Variants in HSPA8 observed in about 807,000 individuals in gnomAD.
The protein encoded by HSPA8 is heat shock protein family A (Hsp70) member 8.
A neutral mutation model predicts 52.8 loss-of-function variants in HSPA8; 2 were observed. That is an observed-to-expected ratio of 0.04 (90% CI 0.02 to 0.12). HSPA8 has a LOEUF of 0.12. Ranked by LOEUF, HSPA8 falls within the 10% of genes least tolerant of loss-of-function variation. The pLI, the probability that HSPA8 is intolerant of heterozygous loss-of-function variation, is 1.00. For synonymous variants in HSPA8, 436 were observed against 274.0 expected, an observed-to-expected ratio of 1.59 and a Z score of -5.84; for missense variants, 349 against 800.5, an observed-to-expected ratio of 0.44 and a Z score of 6.81.
chr11:123,060,331 C>T (rs1330434128), intron 3 of HSPA8, 63 bp from the exon 4 acceptor site: 1 of 1,463,362 alleles, frequency 6.8e-7, no homozygotes. Flanking sequence ...CAAACTCCAG[C>T]AAATGGATTA....
rs1591438454 is a variant in HSPA8 at position 123,060,161 on chromosome 11, A to G, written c.519T>C (p.Ile173=). 6.2e-7 allele frequency: 1 copy of G among 1,614,076 alleles called. No individual in the cohort carries two copies. The highest frequency in any genetic ancestry group is 8.5e-7 in the Non-Finnish European group (1 of 1,180,024). Residue 173 remains isoleucine (I), a synonymous_variant, in exon 4 of 9, where the codon ATT becomes ATC. Coordinates refer to ENST00000534624, the MANE Select transcript of HSPA8 (RefSeq NM_006597.6). ...CAATAGCAGCAGCAGTTGGCTCATT[A>G]ATAATTCTAAGTACATTGAGACCAG... ...TIAGLNVLRI[I]NEPTAAAIAY...
intron 3 of HSPA8, 48 bp downstream of exon 3, chr11:123,060,545 G>A: frequency 7.1e-7 from 1 of 1,410,736 alleles, no homozygotes; most frequent in Non-Finnish European, 1.0e-6. Flanking sequence ...GAGTCATCGG[G>A]CTTTTAACTA....
At chr11:123,060,525 G>C (rs1195759042) in intron 3 of HSPA8, 68 bp downstream of exon 3, 34 of 1,229,642 alleles carry the variant, frequency 2.8e-5, no homozygotes, top group East Asian at 2.3e-5. Flanking sequence ...CCAGGTGCCA[G>C]TGCCCCCGGG....
At position 123,060,096 on chromosome 11, in the gene HSPA8, G is replaced by C; in HGVS notation, c.564+20C>G. 4 of 1,613,972 alleles carry C rather than the reference G, an allele frequency of 2.5e-6. No homozygotes were observed. Among genetic ancestry groups the C allele is most frequent in the Non-Finnish European group, 3.4e-6 (4 of 1,179,904 alleles). ...ATTAATCTTAAAATAATCCGAACTT[G>C]CATCACAAATGGTACATACCTTTTT... On this transcript the variant is annotated intron_variant, in intron 4 of 8. Transcript: ENST00000534624.
At chr11:123,060,299 AACTATTATACTT>A in intron 3 of HSPA8, 31 bp from the exon 4 acceptor site, 1 of 1,604,946 alleles carries the variant, frequency 6.2e-7, no homozygotes, top group Non-Finnish European at 8.5e-7. Flanking sequence ...ACAGATTGGT[AACTATTATACTT>A]ACATATATGC....
chr11:123,061,514 G>A (rs1591440421), intron 1 of HSPA8, 185 bp from the exon 2 acceptor site: 2 of 606,650 alleles, frequency 3.3e-6, no homozygotes, highest in South Asian at 2.0e-5. Flanking sequence ...CGTGCCAACC[G>A]CAGCAGAGCA....
chr11:123,058,226 G>GAAAAAAA lies in HSPA8; in HGVS notation c.1755+19_1755+25dup, dbSNP rs71057327. 223 of 1,013,144 alleles carry GAAAAAAA rather than the reference G, an allele frequency of 2.2e-4. 3 individuals carry two copies. Among genetic ancestry groups the GAAAAAAA allele is most frequent in the Middle Eastern group, 2.6e-4 (1 of 3,894 alleles). 62.8% of individuals were successfully genotyped at this position (1,013,144 alleles called of 1,614,324 possible). On this transcript the variant is annotated intron_variant, in intron 8 of 8. Transcript: ENST00000534624. ...CCTTCCCCTCCATTGAGTGGGGGAG[G>GAAAAAAA]AAAAAAAAAAAAAAAAAACACAAAC...
chr11:123,060,362 G>GCCC (rs1865455719), intron 3 of HSPA8, 94 bp from the exon 4 acceptor site: 1 of 1,241,184 alleles, frequency 8.1e-7, no homozygotes, highest in African/African-American at 1.6e-5. Context: ...AAGAACAGCT[G>GCCC]GAGCACCCCC....
At chr11:123,058,908 G>A (rs1865399863) in intron 6 of HSPA8, 78 bp from the exon 7 acceptor site, 2 of 1,469,982 alleles carry the variant, frequency 1.4e-6, no homozygotes, top group East Asian at 4.5e-5. Flanking sequence ...AGGAAGAATG[G>A]TCGCTCAAAC....
chr11:123,058,371 C>T lies in HSPA8; in HGVS notation c.1636G>A (p.Ala546Thr). ...TCAACAGTTGCTTTCATGTTGAAGG[C>T]ATAGGACTCAAGTGAATTCTTGGAT... Reference protein sequence around the residue: ...VSSKNSLESYAFNMKATVEDE... With the variant: ...VSSKNSLESYTFNMKATVEDE... Residue 546 changes from alanine to threonine, a missense_variant, in exon 8 of 9, where the codon GCC becomes ACC. Coordinates refer to ENST00000534624, the MANE Select transcript of HSPA8 (RefSeq NM_006597.6). 2 of 1,613,656 alleles carry T rather than the reference C, an allele frequency of 1.2e-6. No individual in the cohort carries two copies. Among genetic ancestry groups the T allele is most frequent in the Non-Finnish European group, 1.7e-6 (2 of 1,179,624 alleles).
chr11:123,059,705 GGA>G lies in HSPA8; in HGVS notation c.886_887del (p.Ser296HisfsTer7). ...SLYEGIDFYT[S>X]ITRARFEELN... ...GTTCTTCAAATCGGGCACGGGTAATGGAGGTATAGAAGTCGATTCCTTCATAG... is the reference window on the plus strand; with the variant it reads ...GTTCTTCAAATCGGGCACGGGTAATGGGTATAGAAGTCGATTCCTTCATAG... On this transcript the variant is annotated frameshift_variant, in exon 5 of 9. Coordinates refer to ENST00000534624, the MANE Select transcript of HSPA8 (RefSeq NM_006597.6). LOFTEE classifies it high-confidence loss of function. 1 of 1,613,932 alleles carries G rather than the reference GGA, an allele frequency of 6.2e-7. No homozygotes were observed. The highest frequency in any genetic ancestry group is 8.5e-7 in the Non-Finnish European group (1 of 1,179,890).
rs766437819 is a variant in HSPA8 at position 123,058,409 on chromosome 11, C to T, written c.1598G>A (p.Arg533Lys). ...EKYKAEDEKQ[R>K]DKVSSKNSLE... ...TGAATTCTTGGATGACACCTTGTCC[C>T]TCTGCTTCTCATCTTCAGCTTTGTA... The change falls in exon 8 of 9, where the codon AGG becomes AAG. Residue 533 changes from arginine to lysine, a missense_variant. By Grantham distance (26) the Arg-to-Lys change is conservative (BLOSUM62 2). Coordinates refer to ENST00000534624, the MANE Select transcript of HSPA8 (RefSeq NM_006597.6). 3 of 1,614,006 alleles carry T rather than the reference C, an allele frequency of 1.9e-6. No homozygotes were observed. The highest frequency in any genetic ancestry group is 2.5e-6 in the Non-Finnish European group (3 of 1,179,994).
At position 123,057,703 on chromosome 11, in the gene HSPA8, T is replaced by G. The variant is rs769966077; in HGVS notation, c.*31A>C. 2 of 1,552,666 alleles carry G rather than the reference T, an allele frequency of 1.3e-6. No individual in the cohort carries two copies. The highest frequency in any genetic ancestry group is 2.2e-4 in the Middle Eastern group (1 of 4,474). On this transcript the variant is annotated 3_prime_UTR_variant, in exon 9 of 9. Coordinates refer to ENST00000534624, the MANE Select transcript of HSPA8 (RefSeq NM_006597.6). ...AGGTCCTTCAAATGTTTTAAATGTG[T>G]GGAACAATGCTACATCTACACTTGG...
intron 6 of HSPA8, 74 bp from the exon 7 acceptor site, chr11:123,058,904 A>G (rs1029611491): frequency 6.7e-7 from 1 of 1,483,724 alleles, no homozygotes; most frequent in Non-Finnish European, 9.4e-7. Flanking sequence ...GCTAAGGAAG[A>G]ATGGTCGCTC....
At position 123,057,633 on chromosome 11, in the gene HSPA8, A is replaced by G; in HGVS notation, c.*101T>C. The G allele has an allele frequency of 1.2e-6, 1 of 853,408 alleles. No individual in the cohort carries two copies. The highest frequency in any genetic ancestry group is 1.8e-6 in the Non-Finnish European group (1 of 546,202). The allele number at this position is 853,408 out of a possible 1,614,324, so 52.9% of individuals were successfully genotyped here. On this transcript the variant is annotated 3_prime_UTR_variant, in exon 9 of 9. Transcript: ENST00000534624. ...TTGAGAATGCCCAGTAACTTACTAT[A>G]GCAGCTTAACTTTTTAAAACTGCCA... is the stretch of plus-strand genomic sequence containing the variant.
rs1865385841 is a variant in HSPA8, at chr11:123,058,500, ACTC to A, written c.1523-19_1523-17del. On this transcript the variant is annotated splice_polypyrimidine_tract_variant and intron_variant, in intron 7 of 8. Transcript: ENST00000534624. ...CTCAAACGGCCTAGGAAAGAAATTA[ACTC>A]TAAGTAAAAGCCTTAAATTACCTGT... 6.2e-7 allele frequency: 1 copy of A among 1,610,146 alleles called. No individual in the cohort carries two copies. Among genetic ancestry groups the A allele is most frequent in the Non-Finnish European group, 8.5e-7 (1 of 1,176,796 alleles).
rs1180559000 is a variant in HSPA8 at position 123,058,458 on chromosome 11, G to A, written c.1549C>T (p.Arg517Cys). Residue 517 changes from arginine (R) to cysteine (C), a missense_variant, in exon 8 of 9, where the codon CGT (arginine) becomes TGT (cysteine). Coordinates refer to ENST00000534624, the MANE Select transcript of HSPA8 (RefSeq NM_006597.6). ...TACTTCTCAGCTTCCTGGACCATAC[G>A]TTCAATGTCTTCCTTGCTCAAACGG... ...KGRLSKEDIE[R>C]MVQEAEKYKA... The A allele has an allele frequency of 4.3e-6, 7 of 1,613,888 alleles. No individual in the cohort carries two copies. Among genetic ancestry groups the A allele is most frequent in the African/African-American group, 4.0e-5 (3 of 74,878 alleles).
At chr11:123,058,943 TAAGAC>T in intron 6 of HSPA8, 111 bp downstream of exon 6, 1 of 1,391,976 alleles carries the variant, frequency 7.2e-7, no homozygotes, top group Non-Finnish European at 1.0e-6. Flanking sequence ...CTGGCCAACA[TAAGAC>T]TTTCTGGTGG....
At chr11:123,060,891 G>A (rs185261065) in intron 2 of HSPA8, 93 bp from the exon 3 acceptor site, 22 of 1,182,710 alleles carry the variant, frequency 1.9e-5, no homozygotes, top group African/African-American at 3.0e-5. Context: ...ACAGTTCATA[G>A]GTAGGTGAAT....
Sources: gnomAD v4.1 joint callset for allele counts on GRCh38, gnomAD v4.1.1 for gene constraint, MANE v1.5 for transcripts, NCBI Gene and HGNC (gene_info 2026-07-23, HGNC 2026-07-21) for gene names.